LINGO2: variants seen among roughly 807,000 people sequenced by gnomAD.
LINGO2 encodes the protein leucine rich repeat and Ig domain containing 2, also known as leucine-rich repeat and immunoglobulin-like domain-containing nogo receptor-interacting protein 2.
Under a neutral mutation model 30.6 loss-of-function variants are expected in LINGO2, and 14 were observed. That is an observed-to-expected ratio of 0.46 (90% CI 0.30 to 0.72). The LOEUF (loss-of-function observed/expected upper bound fraction) is 0.72, where lower values mean the gene tolerates loss of function less well. LINGO2 is among the 30% of genes least tolerant of loss of function. The pLI is 0.07. For missense variants in LINGO2, 729 were observed against 751.7 expected (o/e 0.97, Z 0.35); for synonymous variants, 317 against 288.5 (o/e 1.10, Z -1.00).
At chr9:27,980,081 T>C (rs1820784379) in intron 5 of LINGO2, among the ~76,000 whole-genome samples, 1 of 151,870 alleles carries the variant, frequency 6.6e-6, no homozygotes, top group Non-Finnish European at 1.5e-5. Flanking sequence ...AGTACTTTAG[T>C]TAATACCTCA....
At chr9:28,466,973 A>C (rs1825332805) in intron 2 of LINGO2, among the ~76,000 whole-genome samples, 1 of 150,972 alleles carries the variant, frequency 6.6e-6, no homozygotes, top group South Asian at 2.1e-4. Flanking sequence ...ATGAGATACA[A>C]AGGCAAAGTG....
chr9:28,495,068 TG>T, intron 1 of LINGO2, among the ~76,000 whole-genome samples: 1 of 152,280 alleles, frequency 6.6e-6, no homozygotes, highest in East Asian at 1.9e-4. Flanking sequence ...TGGGGTTGTT[TG>T]TTTTTTCTTG....
At chr9:28,699,944 C>G in the LINGO2 span, among the ~76,000 whole-genome samples, 1 of 152,154 alleles carries the variant, frequency 6.6e-6, no homozygotes, top group South Asian at 2.1e-4. Flanking sequence ...TTTATCAAGA[C>G]AATACGTGCA....
chr9:28,465,901 T>C (rs1051609892), intron 2 of LINGO2, among the ~76,000 whole-genome samples: 4 of 151,972 alleles, frequency 2.6e-5, no homozygotes, highest in Non-Finnish European at 5.9e-5. Context: ...AAATCAAAAC[T>C]ACAATGAGAT....
chr9:28,752,394 T>C, the LINGO2 span, among the ~76,000 whole-genome samples: 88 of 152,062 alleles, frequency 5.8e-4, 1 homozygote, highest in East Asian at 0.015. Flanking sequence ...CCAGAAGATA[T>C]ATGAAGACAG....
chr9:28,475,651 C>A (rs552155512), intron 2 of LINGO2, among the ~76,000 whole-genome samples: 8 of 152,070 alleles, frequency 5.3e-5, no homozygotes, highest in Non-Finnish European at 1.5e-5. Context: ...AAAAGTTTAA[C>A]CAGACAACAA....
intron 4 of LINGO2, among the ~76,000 whole-genome samples, chr9:28,270,675 C>G (rs1460282168): frequency 2.0e-5 from 3 of 152,100 alleles, no homozygotes; most frequent in Non-Finnish European, 2.9e-5. Flanking sequence ...TTTGAAGGCT[C>G]TGCCAACTAG....
At chr9:28,745,411 G>A in the LINGO2 span, among the ~76,000 whole-genome samples, 1 of 152,038 alleles carries the variant, frequency 6.6e-6, no homozygotes, top group Non-Finnish European at 1.5e-5. Context: ...TTGGGGTAAG[G>A]TGGTGTGTGA....
At chr9:28,558,845 C>T (rs1435707264) in intron 1 of LINGO2, among the ~76,000 whole-genome samples, 1 of 151,916 alleles carries the variant, frequency 6.6e-6, no homozygotes, top group Non-Finnish European at 1.5e-5. Flanking sequence ...ATTACTCTTA[C>T]TGGTCTATTG....
chr9:28,843,357 ACAC>A, the LINGO2 span, among the ~76,000 whole-genome samples: 1 of 151,524 alleles, frequency 6.6e-6, no homozygotes, highest in Non-Finnish European at 1.5e-5. Flanking sequence ...GTGGGTTTCT[ACAC>A]ACTTATTAAA....
chr9:28,050,479 A>G (rs556336461), intron 4 of LINGO2, among the ~76,000 whole-genome samples: 9 of 151,032 alleles, frequency 6.0e-5, no homozygotes, highest in African/African-American at 2.2e-4. Flanking sequence ...TTCAAGAAAA[A>G]CCACTGGGAA....
At chr9:28,384,306 T>G (rs1438706865) in intron 2 of LINGO2, among the ~76,000 whole-genome samples, 2 of 136,332 alleles carry the variant, frequency 1.5e-5, no homozygotes, top group Non-Finnish European at 3.2e-5. Flanking sequence ...CATTTATCAC[T>G]CCCTTCTTTT....
chr9:28,739,950 A>AT, the LINGO2 span, among the ~76,000 whole-genome samples: 524 of 125,742 alleles, frequency 4.2e-3, 6 homozygotes, highest in South Asian at 0.049. Flanking sequence ...ATATATATAT[A>AT]TTTTTTTTTT....
chr9:28,913,012 C>T, the LINGO2 span, among the ~76,000 whole-genome samples: 5 of 151,990 alleles, frequency 3.3e-5, no homozygotes, highest in South Asian at 2.1e-4. Flanking sequence ...TTTATGGTGG[C>T]GGTGTTGAAA....
the LINGO2 span, among the ~76,000 whole-genome samples, chr9:29,064,751 T>C: frequency 3.9e-5 from 6 of 152,100 alleles, no homozygotes; most frequent in Admixed American, 2.6e-4. Context: ...AAAATGATTA[T>C]ATCAAATACT....
intron 4 of LINGO2, among the ~76,000 whole-genome samples, chr9:28,199,198 T>C (rs898022022): frequency 6.6e-5 from 10 of 152,188 alleles, no homozygotes; most frequent in African/African-American, 1.7e-4. Context: ...CATTGCCTCC[T>C]TAGCACATTG....
chr9:28,863,228 T>G, the LINGO2 span, among the ~76,000 whole-genome samples: 1 of 152,112 alleles, frequency 6.6e-6, no homozygotes, highest in Non-Finnish European at 1.5e-5. Flanking sequence ...ACTATTTAAT[T>G]AATATATTAA....
chr9:28,630,654 C>T (rs1242934648), intron 1 of LINGO2, among the ~76,000 whole-genome samples: 6 of 151,990 alleles, frequency 3.9e-5, no homozygotes, highest in African/African-American at 1.4e-4. Context: ...AACCTTGACC[C>T]ACTAGTCAAT....
chr9:28,691,144 C>A, the LINGO2 span, among the ~76,000 whole-genome samples: 1 of 152,062 alleles, frequency 6.6e-6, no homozygotes, highest in African/African-American at 2.4e-5. Context: ...CTGCTTTAAA[C>A]CAAAAGAATT....
Sources: allele counts gnomAD v4.1 joint callset (sites outside exome capture counted in the v4.1 genomes callset), GRCh38; gene constraint gnomAD v4.1.1; transcripts MANE v1.5; gene names NCBI Gene and HGNC (gene_info 2026-07-23, HGNC 2026-07-21).